The following ATRN variants were observed in gnomAD, a reference collection of about 807,000 sequenced individuals.
ATRN encodes attractin-2.
A neutral mutation model predicts 178.7 loss-of-function variants in ATRN; 54 were observed. The ratio of observed to expected loss-of-function variants is 0.30; its 90% CI spans 0.24 to 0.38. The LOEUF (loss-of-function observed/expected upper bound fraction) is 0.38. Ranked by LOEUF, ATRN falls within the 10% of genes least tolerant of loss-of-function variation. The pLI is 1.00. For synonymous variants in ATRN, 636 were observed against 663.0 expected (o/e 0.96, Z 0.63); for missense variants, 1,443 against 1,815.1 (o/e 0.79, Z 3.73).
Position 3,644,281 on chromosome 20 carries a change from G to A in ATRN, c.4165+13G>A, listed in dbSNP as rs199917907. On this transcript the variant is annotated intron_variant, in intron 28 of 28. Transcript: ENST00000262919. ...CCTGGGCAGTCAGGTGAGTAGATGC[G>A]GTCCAGCGAAAGACACCTTCTAAGC... 32 of 1,588,806 alleles carry A rather than the reference G, an allele frequency of 2.0e-5. No individual in the cohort carries two copies. The highest frequency in any genetic ancestry group is 2.7e-5 in the Non-Finnish European group (31 of 1,157,088).
At chr20:3,489,500 G>C in intron 1 of ATRN, 1 of 1,237,444 alleles carries the variant, frequency 8.1e-7, no homozygotes, top group Non-Finnish European at 1.2e-6. Flanking sequence ...GCCTGGGCTA[G>C]CCCAAAAGCT....
chr20:3,478,491 G>T (rs1213368376), intron 1 of ATRN, among the ~76,000 whole-genome samples: 3 of 152,032 alleles, frequency 2.0e-5, no homozygotes, highest in African/African-American at 7.2e-5. Context: ...GTTCTCACTC[G>T]TAAGTGGGAG....
chr20:3,541,072 G>T (rs2146190808), intron 3 of ATRN, among the ~76,000 whole-genome samples: 1 of 140,622 alleles, frequency 7.1e-6, no homozygotes, highest in South Asian at 2.3e-4. Flanking sequence ...TTACATGATA[G>T]AGGATTTTTT....
chr20:3,591,251 C>T lies in ATRN; in HGVS notation c.3267C>T (p.Cys1089=), dbSNP rs774361224. The T allele has an allele frequency of 6.8e-6, 11 of 1,614,158 alleles. No individual in the cohort carries two copies. The highest frequency in any genetic ancestry group is 4.5e-5 in the East Asian group (2 of 44,886). The part of the protein sequence containing the change: ...KCENLTTGKH[C]ETCISGFYGD... ...AGAACCTGACCACAGGCAAGCACTG[C>T]GAGACCTGCATATCTGGCTTCTACG... The change falls in exon 19 of 29, where the codon TGC becomes TGT. Residue 1089 remains cysteine (C), a synonymous_variant. Transcript: ENST00000262919.
intron 1 of ATRN, among the ~76,000 whole-genome samples, chr20:3,523,431 C>G (rs111773686): frequency 6.6e-6 from 1 of 152,086 alleles, no homozygotes; most frequent in East Asian, 1.9e-4. Flanking sequence ...AAGACCAAAC[C>G]TGCGTTTGAT....
intron 8 of ATRN, among the ~76,000 whole-genome samples, 179 bp downstream of exon 8, chr20:3,561,084 G>A (rs529679656): frequency 6.6e-6 from 1 of 152,270 alleles, no homozygotes; most frequent in East Asian, 1.9e-4. Context: ...ACTTTGGGAG[G>A]CTGAGGCGGG....
chr20:3,529,182 C>G (rs997242878), intron 1 of ATRN, among the ~76,000 whole-genome samples: 1 of 151,676 alleles, frequency 6.6e-6, no homozygotes, highest in Non-Finnish European at 1.5e-5. Flanking sequence ...TGCATACCTA[C>G]TGGAATAAGC....
intron 1 of ATRN, among the ~76,000 whole-genome samples, chr20:3,482,310 A>G (rs957433528): frequency 2.6e-5 from 4 of 151,942 alleles, no homozygotes; most frequent in African/African-American, 9.7e-5. Context: ...TAAAATGTAT[A>G]TTAACATAGA....
chr20:3,471,308 G>T lies in ATRN; in HGVS notation c.201G>T (p.Leu67Phe). The change falls in exon 1 of 29, where the codon TTG (leucine) becomes TTT (phenylalanine). Residue 67 changes from leucine (L) to phenylalanine (F), a missense_variant. Coordinates refer to ENST00000262919, the MANE Select transcript of ATRN (RefSeq NM_139321.3). Reference protein sequence around the residue: ...LRPRLLLLLLLLSPPLLLLLL... With the variant: ...LRPRLLLLLLFLSPPLLLLLL... ...CACGGCTGCTGCTGCTGCTGTTGTT[G>T]CTCTCGCCGCCGCTGCTGCTGCTGC... is the stretch of plus-strand genomic sequence containing the variant. 6.7e-7 allele frequency: 1 copy of T among 1,481,682 alleles called. No homozygotes were observed. The allele number at this position is 1,481,682 out of a possible 1,614,324, so 91.8% of individuals were successfully genotyped here. A position where few individuals can be genotyped will look rare whatever the true frequency, so the allele number is the denominator to read the frequency against.
rs950427670 is a variant in ATRN at position 3,632,350 on chromosome 20, A to G, written c.3864-1961A>G. On this transcript the variant is annotated intron_variant, in intron 25 of 28. Transcript: ENST00000262919. This position sits in a 1 kb window ranked among gnomAD's most constrained non-coding sequence, Gnocchi z 4.2. ...AAAAACCTGCACTGGCTCTTTCCCA[A>G]TGCCCTCATAATGCTTGCAGTGCCC... Among the ~76,000 whole-genome samples the G allele has an allele frequency of 3.9e-5, 6 of 152,020 alleles. No homozygotes were observed. The highest frequency in any genetic ancestry group is 2.1e-4 in the South Asian group (1 of 4,816).
At chr20:3,559,801 C>CT (rs1404016090) in intron 7 of ATRN, among the ~76,000 whole-genome samples, 1 of 152,130 alleles carries the variant, frequency 6.6e-6, no homozygotes, top group African/African-American at 2.4e-5. Flanking sequence ...TGTAATGTGG[C>CT]TGAACAAACA....
intron 1 of ATRN, among the ~76,000 whole-genome samples, chr20:3,474,521 C>G (rs2084486400): frequency 6.6e-6 from 1 of 151,696 alleles, no homozygotes; most frequent in Non-Finnish European, 1.5e-5. Context: ...TCCTGGCTAA[C>G]TTGGTGAAAC....
At chr20:3,479,519 G>A (rs1338112077) in intron 1 of ATRN, among the ~76,000 whole-genome samples, 1 of 152,170 alleles carries the variant, frequency 6.6e-6, no homozygotes, top group Non-Finnish European at 1.5e-5. Flanking sequence ...CCATCTGGGG[G>A]AGAAAGACAT....
rs137954802 is a variant in ATRN at position 3,563,360 on chromosome 20, A to G, written c.1783A>G (p.Ile595Val). The G allele has an allele frequency of 2.5e-6, 4 of 1,611,956 alleles. No individual in the cohort carries two copies. Among genetic ancestry groups the G allele is most frequent in the Non-Finnish European group, 3.4e-6 (4 of 1,178,582 alleles). ...CFSSDFMAYD[I>V]ACDRWSVLPR... ...CTCTTCAGATTTCATGGCCTATGAC[A>G]TTGGTAAGTTTCCCAAAACCATTTT... The change falls in exon 10 of 29, where the codon ATT (isoleucine) becomes GTT (valine). Residue 595 changes from isoleucine to valine, a missense_variant. Transcript: ENST00000262919.
At chr20:3,522,420 G>A (rs1206218701) in intron 1 of ATRN, among the ~76,000 whole-genome samples, 2 of 152,206 alleles carry the variant, frequency 1.3e-5, no homozygotes. Flanking sequence ...CCCAGTCAGG[G>A]GCTTATAGAT....
chr20:3,478,220 C>G (rs2084556905), intron 1 of ATRN, among the ~76,000 whole-genome samples: 1 of 152,140 alleles, frequency 6.6e-6, no homozygotes, highest in Non-Finnish European at 1.5e-5. Context: ...TCATATCAGT[C>G]TTCTAAAAAA....
intron 11 of ATRN, 130 bp from the exon 12 acceptor site, chr20:3,572,601 G>A: frequency 1.4e-6 from 1 of 724,786 alleles, no homozygotes; most frequent in Non-Finnish European, 2.2e-6. Flanking sequence ...AGGATCTCTT[G>A]AGCCCAGGAG....
chr20:3,492,860 C>CGCGT (rs1396548352), intron 1 of ATRN, among the ~76,000 whole-genome samples: 8 of 122,702 alleles, frequency 6.5e-5, no homozygotes, highest in African/African-American at 1.5e-4. Context: ...GAGAGGCGCG[C>CGCGT]GCGCGCGTGC....
chr20:3,514,159 C>T (rs992019023), intron 1 of ATRN, among the ~76,000 whole-genome samples: 2 of 152,084 alleles, frequency 1.3e-5, no homozygotes, highest in South Asian at 2.1e-4. Flanking sequence ...TGGAACCACC[C>T]TCAGGAGGAT....
Sources: allele counts gnomAD v4.1 joint callset (sites outside exome capture counted in the v4.1 genomes callset), GRCh38; gene constraint gnomAD v4.1.1; non-coding constraint Gnocchi (gnomAD v3.1); transcripts MANE v1.5; gene names NCBI Gene and HGNC (gene_info 2026-07-23, HGNC 2026-07-21).